NRXN1: variants seen among roughly 807,000 people sequenced by gnomAD.
NRXN1 encodes neurexin-1.
In NRXN1, 39 loss-of-function variants were observed where a neutral mutation model predicts 150.9. That is an observed-to-expected ratio of 0.26 (90% CI 0.20 to 0.34). The LOEUF (loss-of-function observed/expected upper bound fraction) is 0.34. Ranked by LOEUF, NRXN1 falls within the 10% of genes least tolerant of loss-of-function variation. The pLI is 1.00. For synonymous variants in NRXN1, 924 were observed against 757.0 expected, an observed-to-expected ratio of 1.22 and a Z score of -3.62; for missense variants, 1,815 against 1,949.9, an observed-to-expected ratio of 0.93 and a Z score of 1.30.
At chr2:50,057,427 G>T (rs1693825874) in intron 19 of NRXN1, among the ~76,000 whole-genome samples, 1 of 152,086 alleles carries the variant, frequency 6.6e-6, no homozygotes, top group South Asian at 2.1e-4. Flanking sequence ...TCCCCAGAAG[G>T]TATTCCCTGA....
intron 18 of NRXN1, among the ~76,000 whole-genome samples, chr2:50,224,644 G>C (rs898585988): frequency 6.6e-6 from 1 of 151,102 alleles, no homozygotes; most frequent in African/African-American, 2.4e-5. Context: ...GCTAAGCCAA[G>C]TGTTAGAGGT....
intron 13 of NRXN1, among the ~76,000 whole-genome samples, chr2:50,505,801 A>T (rs1407058137): frequency 6.6e-6 from 1 of 152,150 alleles, no homozygotes; most frequent in African/African-American, 2.4e-5. Flanking sequence ...TACCAGAATA[A>T]TTAACATGGC....
intron 21 of NRXN1, among the ~76,000 whole-genome samples, chr2:50,001,523 G>A (rs1181584827): frequency 6.6e-6 from 1 of 152,086 alleles, no homozygotes; most frequent in African/African-American, 2.4e-5. Context: ...AGACTCTGGG[G>A]CCAAATTATC....
chr2:50,470,329 G>GA (rs539510480), intron 16 of NRXN1, among the ~76,000 whole-genome samples: 52 of 151,384 alleles, frequency 3.4e-4, no homozygotes, highest in Non-Finnish European at 6.1e-4. Context: ...AACTGAAAGG[G>GA]AAAAAAACAT....
rs113169764 is a variant in NRXN1 at position 50,720,280 on chromosome 2, C to A, written c.833-96665G>T. 6.1e-3 allele frequency among the ~76,000 whole-genome samples: 934 copies of A among 152,060 alleles called. 3 individuals are homozygous for A. The highest frequency in any genetic ancestry group is 9.3e-3 in the Non-Finnish European group (630 of 67,972). ...CGAAACTCCCACAAGTAAAATAGTG[C>A]AAAATTCATATAAAACCAGTTACAA... On this transcript the variant is annotated intron_variant, in intron 5 of 22. Coordinates refer to ENST00000401669, the MANE Select transcript of NRXN1 (RefSeq NM_001330078.2).
intron 13 of NRXN1, among the ~76,000 whole-genome samples, chr2:50,499,855 G>A (rs1207426473): frequency 3.3e-5 from 5 of 151,520 alleles, no homozygotes; most frequent in Non-Finnish European, 5.9e-5. Context: ...GGCTGAGGCA[G>A]GAGAATCGCT....
chr2:50,274,941 G>T (rs1026966937), intron 17 of NRXN1, among the ~76,000 whole-genome samples: 1 of 152,144 alleles, frequency 6.6e-6, no homozygotes, highest in African/African-American at 2.4e-5. Context: ...CATTAGAAGT[G>T]TGGCATGTGT....
At chr2:50,208,094 A>C (rs2152840848) in intron 18 of NRXN1, among the ~76,000 whole-genome samples, 1 of 152,194 alleles carries the variant, frequency 6.6e-6, no homozygotes, top group East Asian at 1.9e-4. Context: ...TGGCAGGAGA[A>C]CCCACTGTCT....
intron 2 of NRXN1, among the ~76,000 whole-genome samples, chr2:50,986,688 A>G (rs1326896807): frequency 6.6e-6 from 1 of 151,118 alleles, no homozygotes; most frequent in Admixed American, 6.6e-5. Flanking sequence ...TCTTTTTTAA[A>G]CTTTTTATTA....
At chr2:50,740,162 G>C (rs866018064) in intron 5 of NRXN1, among the ~76,000 whole-genome samples, 40 of 152,244 alleles carry the variant, frequency 2.6e-4, no homozygotes, top group African/African-American at 8.9e-4. Flanking sequence ...TAGTGACAGT[G>C]GGCTTTGGTG....
At chr2:50,029,435 T>C (rs1688861500) in intron 21 of NRXN1, among the ~76,000 whole-genome samples, 2 of 152,146 alleles carry the variant, frequency 1.3e-5, no homozygotes, top group African/African-American at 4.8e-5. Context: ...TATTTGAAGA[T>C]AGCATCTTTA....
rs190043838 is a variant in NRXN1, at chr2:51,018,518, C to T, written c.772+8984G>A. ...CATTCATCTTTCCAACTCTAAGAAC[C>T]ACTCCTAAGTTCAATTTCAAGCTAT... On this transcript the variant is annotated intron_variant, in intron 2 of 22. Transcript: ENST00000401669. Among the ~76,000 whole-genome samples the T allele has an allele frequency of 4.3e-3, 660 of 152,136 alleles. 1 individual carries two copies. The highest frequency in any genetic ancestry group is 7.9e-3 in the Non-Finnish European group (536 of 67,960).
chr2:51,024,914 T>C (rs1306479645), intron 2 of NRXN1, among the ~76,000 whole-genome samples: 3 of 152,192 alleles, frequency 2.0e-5, no homozygotes, highest in Non-Finnish European at 2.9e-5. Context: ...ATGTACATAC[T>C]GGCTACAGGC....
chr2:50,147,167 C>A (rs1035056517), intron 18 of NRXN1, among the ~76,000 whole-genome samples: 3 of 151,674 alleles, frequency 2.0e-5, no homozygotes, highest in Admixed American at 6.6e-5. Context: ...GCAAGCATTG[C>A]AGTTATGCAA....
At chr2:50,119,570 A>AC (rs1268434859) in intron 18 of NRXN1, among the ~76,000 whole-genome samples, 1 of 152,062 alleles carries the variant, frequency 6.6e-6, no homozygotes, top group African/African-American at 2.4e-5. Context: ...AAAAAAGAAA[A>AC]AAAAAAAAAC....
At chr2:50,000,057 T>C (rs1277666548) in intron 21 of NRXN1, among the ~76,000 whole-genome samples, 1 of 152,208 alleles carries the variant, frequency 6.6e-6, no homozygotes, top group East Asian at 1.9e-4. Flanking sequence ...TAACTGAGAA[T>C]TGCTAATCCA....
rs2103961259 is a variant in NRXN1, at chr2:49,919,708, T to C, written c.*2236A>G. On this transcript the variant is annotated 3_prime_UTR_variant, in exon 23 of 23. Transcript: ENST00000401669. Reference sequence around the variant, plus strand: ...TGGCAAATTAAAAAAAATGAAAATCTAGAAAAGAAGCAATGGATATTAAAT... The same window carrying C: ...TGGCAAATTAAAAAAAATGAAAATCCAGAAAAGAAGCAATGGATATTAAAT... 6.6e-6 allele frequency: 1 copy of C among 152,226 alleles called. No individual in the cohort carries two copies. The highest frequency in any genetic ancestry group is 2.4e-5 in the African/African-American group (1 of 41,558). 9.4% of individuals were successfully genotyped at this position (152,226 alleles called of 1,614,324 possible). A position where few individuals can be genotyped will look rare whatever the true frequency, so the allele number is the denominator to read the frequency against.
At chr2:50,955,232 G>C (rs1692096137) in intron 2 of NRXN1, among the ~76,000 whole-genome samples, 1 of 152,166 alleles carries the variant, frequency 6.6e-6, no homozygotes, top group African/African-American at 2.4e-5. Context: ...GAGATTCTGT[G>C]AGCAGGATGA....
chr2:50,808,863 T>G (rs1274943731), intron 5 of NRXN1, among the ~76,000 whole-genome samples: 1 of 152,120 alleles, frequency 6.6e-6, no homozygotes, highest in African/African-American at 2.4e-5. Context: ...CTTTAAGGAC[T>G]TACTAAACAA....
Sources: gnomAD v4.1 joint callset for allele counts (sites outside exome capture counted in the v4.1 genomes callset) on GRCh38, gnomAD v4.1.1 for gene constraint, MANE v1.5 for transcripts, NCBI Gene and HGNC (gene_info 2026-07-23, HGNC 2026-07-21) for gene names.